CADPS: variants seen among roughly 807,000 people sequenced by gnomAD.
CADPS encodes calcium-dependent secretion activator 1.
A neutral mutation model predicts 167.3 loss-of-function variants in CADPS; 57 were observed. The observed-to-expected ratio is 0.34, with a 90% CI of 0.28 to 0.42. The LOEUF is 0.42. Ranked by LOEUF, CADPS falls within the 20% of genes least tolerant of loss-of-function variation. The pLI, the probability that CADPS is intolerant of heterozygous loss-of-function variation, is 1.00. For synonymous variants in CADPS, 676 were observed against 635.3 expected (o/e 1.06, Z -0.96); for missense variants, 1,414 against 1,738.1 (o/e 0.81, Z 3.32).
chr3:62,704,478 C>G (rs1186584995), intron 3 of CADPS, among the ~76,000 whole-genome samples: 1 of 152,070 alleles, frequency 6.6e-6, no homozygotes, highest in Admixed American at 6.6e-5. Context: ...TCCAATGGGG[C>G]TCTATTTACT....
chr3:62,453,114 C>T (rs967709805), intron 26 of CADPS, among the ~76,000 whole-genome samples: 2 of 152,096 alleles, frequency 1.3e-5, no homozygotes, highest in South Asian at 2.1e-4. Context: ...GCCTGGGAGA[C>T]AGAGTGAGAC....
chr3:62,522,473 C>T (rs2070924476), intron 13 of CADPS, among the ~76,000 whole-genome samples: 1 of 152,124 alleles, frequency 6.6e-6, no homozygotes, highest in African/African-American at 2.4e-5. Flanking sequence ...CCGTGTTACT[C>T]TAACATACAG....
intron 1 of CADPS, among the ~76,000 whole-genome samples, chr3:62,849,027 A>C (rs1321593765): frequency 4.8e-5 from 7 of 145,534 alleles, no homozygotes; most frequent in African/African-American, 1.0e-4. Context: ...TAGGTATTTT[A>C]TTCTCTTTGA....
chr3:62,854,202 T>C lies in CADPS; in HGVS notation c.441+20387A>G, dbSNP rs377025205. On this transcript the variant is annotated intron_variant, in intron 1 of 29. Transcript: ENST00000383710. Reference sequence around the variant, plus strand: ...CTCACAAGCTTAACACTTGCTAAGTTATATAAATTAAGAGAGAATTTGTGT... The same window carrying C: ...CTCACAAGCTTAACACTTGCTAAGTCATATAAATTAAGAGAGAATTTGTGT... Among the ~76,000 whole-genome samples the C allele has an allele frequency of 7.2e-5, 11 of 152,300 alleles. No individual in the cohort carries two copies. In the East Asian group the frequency reaches 1.7e-3, roughly 24 times the overall value.
Position 62,456,863 on chromosome 3 carries a change from C to T in CADPS, c.3636+8504G>A, listed in dbSNP as rs188110774. On this transcript the variant is annotated intron_variant, in intron 26 of 29. Transcript: ENST00000383710. ...TGCTCCTGCTGTGGTCAGTTTTAGG[C>T]TACCAATGTGACATCCCTAACTTCG... Among the ~76,000 whole-genome samples the T allele has an allele frequency of 6.5e-3, 992 of 151,940 alleles. 16 individuals carry two copies. The highest frequency in any genetic ancestry group is 0.022 in the African/African-American group (931 of 41,400).
At chr3:62,662,060 C>A (rs2073363946) in intron 4 of CADPS, among the ~76,000 whole-genome samples, 1 of 152,116 alleles carries the variant, frequency 6.6e-6, no homozygotes, top group African/African-American at 2.4e-5. Context: ...ACTGTTGGAG[C>A]TATGTGTCTG....
chr3:62,824,756 T>C (rs1442170736), intron 1 of CADPS, among the ~76,000 whole-genome samples: 6 of 152,196 alleles, frequency 3.9e-5, no homozygotes, highest in Admixed American at 3.9e-4. Context: ...TAATTTGGTG[T>C]ATTTAAAAAG....
chr3:62,512,716 C>A, intron 17 of CADPS, 35 bp downstream of exon 17: 1 of 1,558,092 alleles, frequency 6.4e-7, no homozygotes. Flanking sequence ...ACTCAACAGT[C>A]CTGATAATTT....
chr3:62,461,123 G>T (rs1201767293), intron 26 of CADPS, among the ~76,000 whole-genome samples: 1 of 152,204 alleles, frequency 6.6e-6, no homozygotes, highest in Non-Finnish European at 1.5e-5. Flanking sequence ...ACCTTTCCAA[G>T]CCTTAGTTTC....
At chr3:62,579,544 C>T (rs138578979) in intron 8 of CADPS, among the ~76,000 whole-genome samples, 79 of 152,100 alleles carry the variant, frequency 5.2e-4, no homozygotes, top group African/African-American at 7.7e-4. Flanking sequence ...GAGGACACAG[C>T]GGGGCCAGGT....
At chr3:62,732,318 C>T (rs520305) in intron 3 of CADPS, among the ~76,000 whole-genome samples, 84,898 of 152,012 alleles carry the variant, frequency 0.56, 25,605 homozygotes, top group African/African-American at 0.79. Flanking sequence ...AGCTGTCAAG[C>T]TGGAAAGTGT....
intron 1 of CADPS, among the ~76,000 whole-genome samples, chr3:62,865,029 G>A (rs951200137): frequency 6.6e-6 from 1 of 152,006 alleles, no homozygotes; most frequent in Non-Finnish European, 1.5e-5. Flanking sequence ...CTTGAATATG[G>A]AAGAACCCCC....
chr3:62,816,580 A>C (rs942081184), intron 1 of CADPS, among the ~76,000 whole-genome samples: 1 of 151,870 alleles, frequency 6.6e-6, no homozygotes, highest in Non-Finnish European at 1.5e-5. Flanking sequence ...GGTAACTTTA[A>C]ATATCTATGT....
At chr3:62,470,869 A>C (rs143625795) in intron 24 of CADPS, 2 of 152,222 alleles carry the variant, frequency 1.3e-5, no homozygotes, top group Non-Finnish European at 2.9e-5. Flanking sequence ...AGAAACAAGA[A>C]ATGTTTACAA....
Position 62,491,494 on chromosome 3 carries a change from GC to G in CADPS, c.2885-15del, listed in dbSNP as rs768035267. The G allele has an allele frequency of 1.8e-5, 29 of 1,602,664 alleles. No homozygotes were observed. The African/African-American group carries it at 2.7e-4, about 15-fold the overall frequency. On this transcript the variant is annotated splice_polypyrimidine_tract_variant and intron_variant, in intron 20 of 29. Coordinates refer to ENST00000383710, the MANE Select transcript of CADPS (RefSeq NM_003716.4). Reference sequence around the variant, plus strand: ...TGCACAAATTATCTAGAACAGATAAGCAAAAGCTTGTTAAGAACCCACAGCT... The same window carrying G: ...TGCACAAATTATCTAGAACAGATAAGAAAAGCTTGTTAAGAACCCACAGCT...
intron 3 of CADPS, among the ~76,000 whole-genome samples, chr3:62,677,209 C>T (rs945613277): frequency 1.3e-5 from 2 of 151,904 alleles, no homozygotes; most frequent in African/African-American, 2.4e-5. Flanking sequence ...TTAGCCATCA[C>T]AATTTATAAG....
intron 13 of CADPS, among the ~76,000 whole-genome samples, chr3:62,529,469 A>G (rs371000047): frequency 1.3e-5 from 2 of 152,232 alleles, no homozygotes; most frequent in Admixed American, 6.5e-5. Flanking sequence ...AAGCCTTGTC[A>G]TTCCGTCAGA....
At chr3:62,431,363 C>G (rs2053909704) in intron 28 of CADPS, among the ~76,000 whole-genome samples, 1 of 152,062 alleles carries the variant, frequency 6.6e-6, no homozygotes, top group Non-Finnish European at 1.5e-5. Flanking sequence ...ACCTTGTACT[C>G]TGGCCTCTGT....
At position 62,644,459 on chromosome 3, in the gene CADPS, CCTAA is replaced by C. The variant is rs2068091661; in HGVS notation, c.1325+1259_1325+1262del. 3.3e-5 allele frequency among the ~76,000 whole-genome samples: 5 copies of C among 152,052 alleles called. No homozygotes were observed. In the South Asian group the frequency reaches 1.0e-3, roughly 32 times the overall value. ...CTCCTGTGGACCGCTGAAACAGTAC[CCTAA>C]CTGACCTCCTGCACAACCCTGCCCA... is the stretch of plus-strand genomic sequence containing the variant. On this transcript the variant is annotated intron_variant, in intron 6 of 29. Transcript: ENST00000383710.
Sources: gnomAD v4.1 joint callset for allele counts (sites outside exome capture counted in the v4.1 genomes callset) on GRCh38, gnomAD v4.1.1 for gene constraint, MANE v1.5 for transcripts, NCBI Gene and HGNC (gene_info 2026-07-23, HGNC 2026-07-21) for gene names.